Variants in DYNC1I1 observed in about 807,000 individuals in gnomAD.
The protein encoded by DYNC1I1 is cytoplasmic dynein 1 intermediate chain 1.
In DYNC1I1, 43 loss-of-function variants were observed where a neutral mutation model predicts 86.6. The observed-to-expected ratio is 0.50, with a 90% CI of 0.39 to 0.64. The LOEUF (loss-of-function observed/expected upper bound fraction) is 0.64, where lower values mean the gene tolerates loss of function less well. DYNC1I1 is among the 30% of genes least tolerant of loss of function. The probability of loss-of-function intolerance (pLI) is 0.00; values close to 1 mark genes in which losing one functional copy is unlikely to be tolerated. For synonymous variants in DYNC1I1, 262 were observed against 283.7 expected (o/e 0.92, Z 0.77); for missense variants, 604 against 788.8 (o/e 0.77, Z 2.81).
intron 4 of DYNC1I1, among the ~76,000 whole-genome samples, chr7:95,814,840 C>T (rs531239328): frequency 4.0e-4 from 61 of 151,982 alleles, no homozygotes; most frequent in Non-Finnish European, 7.8e-4. Flanking sequence ...TTTAGCAAAT[C>T]GCTTTTGTGA....
chr7:95,913,648 C>T lies in DYNC1I1; in HGVS notation c.490+43650C>T, dbSNP rs572887029. 5.3e-5 allele frequency among the ~76,000 whole-genome samples: 8 copies of T among 152,294 alleles called. No individual in the cohort carries two copies. The East Asian group carries it at 1.4e-3, about 26-fold the overall frequency. ...CAAGTGGAACTGTGAGTCCATTAAA[C>T]CTCTTACCTAGTCTCAGGTATATCT... is the stretch of plus-strand genomic sequence containing the variant. On this transcript the variant is annotated intron_variant, in intron 6 of 16. Coordinates refer to ENST00000447467, the MANE Select transcript of DYNC1I1 (RefSeq NM_001135556.2).
chr7:96,097,832 G>T lies in DYNC1I1; in HGVS notation c.*239G>T. ...TTCTGTCTCAAAAATGAAGAGAAGG[G>T]GGTTATGGGTTAAGTTGCTGCCTTT... On this transcript the variant is annotated 3_prime_UTR_variant, in exon 17 of 17. Coordinates refer to ENST00000447467, the MANE Select transcript of DYNC1I1 (RefSeq NM_001135556.2). 1 of 1,234,700 alleles carries T rather than the reference G, an allele frequency of 8.1e-7. No homozygotes were observed. The highest frequency in any genetic ancestry group is 1.0e-6 in the Non-Finnish European group (1 of 982,160). The allele number at this position is 1,234,700 out of a possible 1,614,324, so 76.5% of individuals were successfully genotyped here. A position where few individuals can be genotyped will look rare whatever the true frequency, so the allele number is the denominator to read the frequency against.
At chr7:95,904,318 T>A (rs1019533321) in intron 6 of DYNC1I1, among the ~76,000 whole-genome samples, 1 of 152,070 alleles carries the variant, frequency 6.6e-6, no homozygotes, top group African/African-American at 2.4e-5. Context: ...GGCAGCTGAC[T>A]CCCAGAGCAA....
chr7:96,075,919 C>A, intron 14 of DYNC1I1, 138 bp from the exon 15 acceptor site: 6 of 1,212,264 alleles, frequency 4.9e-6, no homozygotes, highest in Non-Finnish European at 6.8e-6. Flanking sequence ...ATTAAAGCTC[C>A]GGTTCACCTT....
At chr7:95,818,634 T>C in intron 4 of DYNC1I1, 1 of 513,796 alleles carries the variant, frequency 1.9e-6, no homozygotes, top group East Asian at 2.9e-5. Flanking sequence ...GCAGGACCCA[T>C]TGTGCCCAGC....
chr7:96,010,043 C>T (rs556904033), intron 10 of DYNC1I1, among the ~76,000 whole-genome samples: 121 of 152,150 alleles, frequency 8.0e-4, no homozygotes, highest in Non-Finnish European at 1.4e-3. Context: ...CCTCCCCAGA[C>T]GACATTTTAT....
chr7:95,931,450 A>G (rs319310), intron 6 of DYNC1I1, among the ~76,000 whole-genome samples: 60,393 of 152,082 alleles, frequency 0.4, 12,600 homozygotes, highest in Non-Finnish European at 0.46. Flanking sequence ...CGCCCGGCCT[A>G]TGACTACATT....
chr7:95,996,821 A>G (rs4729230), intron 10 of DYNC1I1, among the ~76,000 whole-genome samples: 97,889 of 151,994 alleles, frequency 0.64, 31,766 homozygotes, highest in East Asian at 0.69. Flanking sequence ...ACAGGCAAAT[A>G]AAAAACAAAC....
intron 6 of DYNC1I1, among the ~76,000 whole-genome samples, chr7:95,971,393 ATATGT>A (rs949745805): frequency 6.6e-6 from 1 of 152,262 alleles, no homozygotes; most frequent in African/African-American, 2.4e-5. Flanking sequence ...AAATTTAAAA[ATATGT>A]TATAAGAAGA....
chr7:95,972,109 G>T (rs1793188560), intron 6 of DYNC1I1, among the ~76,000 whole-genome samples: 1 of 152,274 alleles, frequency 6.6e-6, no homozygotes, highest in Admixed American at 6.5e-5. Context: ...GGGTCGCCTT[G>T]TGTCGTTGAG....
chr7:95,827,998 T>G, intron 4 of DYNC1I1, 59 bp from the exon 5 acceptor site: 1 of 1,594,644 alleles, frequency 6.3e-7, no homozygotes, highest in Non-Finnish European at 8.6e-7. Flanking sequence ...TGGTTTGGTT[T>G]GTTGCCCTCC....
chr7:95,861,519 C>T (rs1789877561), intron 5 of DYNC1I1, among the ~76,000 whole-genome samples: 1 of 152,174 alleles, frequency 6.6e-6, no homozygotes, highest in Admixed American at 6.5e-5. Flanking sequence ...ATTCTCATGG[C>T]AGCCATCTTA....
At chr7:95,851,652 G>A (rs55981144) in intron 5 of DYNC1I1, among the ~76,000 whole-genome samples, 10,782 of 152,120 alleles carry the variant, frequency 0.071, 470 homozygotes, top group Non-Finnish European at 0.096. Context: ...GTGTTCATCA[G>A]AGATATATGA....
chr7:96,063,513 G>A (rs914944061), intron 14 of DYNC1I1, among the ~76,000 whole-genome samples: 1 of 152,122 alleles, frequency 6.6e-6, no homozygotes, highest in African/African-American at 2.4e-5. Flanking sequence ...TGTCATCAGG[G>A]TTGGTTTCCT....
Position 95,818,593 on chromosome 7 carries a change from G to T in DYNC1I1, c.314+5256G>T, listed in dbSNP as rs1584250713. The T allele has an allele frequency of 6.6e-6, 4 of 603,350 alleles. No homozygotes were observed. In the East Asian group the frequency reaches 1.1e-4, roughly 17 times the overall value. 37.4% of individuals were successfully genotyped at this position (603,350 alleles called of 1,614,324 possible). A position where few individuals can be genotyped will look rare whatever the true frequency, so the allele number is the denominator to read the frequency against. ...CATCCCAAAGTGGTGGGATCCTCCT[G>T]CCTCTCCCTCCCAAAGTGCTGAGAT... On this transcript the variant is annotated intron_variant, in intron 4 of 16. Transcript: ENST00000447467.
intron 1 of DYNC1I1, among the ~76,000 whole-genome samples, chr7:95,773,258 A>G (rs1188512797): frequency 1.3e-5 from 2 of 152,236 alleles, no homozygotes; most frequent in Non-Finnish European, 2.9e-5. Flanking sequence ...CTACCCTGCA[A>G]GTCGGAGGGA....
At chr7:95,777,379 C>A (rs1052519376) in intron 1 of DYNC1I1, among the ~76,000 whole-genome samples, 6 of 152,166 alleles carry the variant, frequency 3.9e-5, no homozygotes, top group Non-Finnish European at 5.9e-5. Flanking sequence ...TTATTCACTG[C>A]AAAGATGAAT....
At chr7:95,803,184 T>G (rs769434868) in intron 1 of DYNC1I1, among the ~76,000 whole-genome samples, 2 of 152,194 alleles carry the variant, frequency 1.3e-5, no homozygotes, top group Non-Finnish European at 2.9e-5. Flanking sequence ...ATGGTGTACT[T>G]GGATTGATAT....
chr7:95,936,954 T>TCACACACACACA (rs1491214381), intron 6 of DYNC1I1, among the ~76,000 whole-genome samples: 125 of 32,558 alleles, frequency 3.8e-3, no homozygotes, highest in African/African-American at 9.2e-3. Context: ...AAAGAATATG[T>TCACACACACACA]CTCACACACA....
Sources: allele counts gnomAD v4.1 joint callset (sites outside exome capture counted in the v4.1 genomes callset), GRCh38; gene constraint gnomAD v4.1.1; transcripts MANE v1.5; gene names NCBI Gene and HGNC (gene_info 2026-07-23, HGNC 2026-07-21).